The following ADAM18 variants were observed in gnomAD, a reference collection of about 807,000 sequenced individuals.
ADAM18 encodes the protein disintegrin and metalloproteinase domain-containing protein 18.
In ADAM18, 117 loss-of-function variants were observed where a neutral mutation model predicts 94.4. That is an observed-to-expected ratio of 1.24 (90% CI 1.07 to 1.45). The LOEUF (loss-of-function observed/expected upper bound fraction) is 1.45, where lower values mean the gene tolerates loss of function less well. ADAM18 is among the 40% of genes most tolerant of loss of function. The pLI is 0.00. For missense variants in ADAM18, 936 were observed against 880.0 expected (o/e 1.06, Z -0.81); for synonymous variants, 327 against 291.6 (o/e 1.12, Z -1.24).
intron 14 of ADAM18, among the ~76,000 whole-genome samples, chr8:39,669,646 A>T (rs916552890): frequency 1.6e-4 from 25 of 151,906 alleles, no homozygotes; most frequent in Non-Finnish European, 2.9e-4. Context: ...ACATGAACTC[A>T]TCATTTTTTA....
At chr8:39,661,510 C>T (rs938880904) in intron 12 of ADAM18, among the ~76,000 whole-genome samples, 1 of 151,696 alleles carries the variant, frequency 6.6e-6, no homozygotes, top group Non-Finnish European at 1.5e-5. Context: ...TCTTTGCAGT[C>T]TCTAATTGGT....
intron 2 of ADAM18, among the ~76,000 whole-genome samples, chr8:39,603,675 A>G (rs1050178671): frequency 1.3e-5 from 2 of 152,222 alleles, no homozygotes; most frequent in African/African-American, 4.8e-5. Context: ...AGGTAAGCCT[A>G]TATTGTTAGT....
At chr8:39,713,718 A>G (rs1822487382) in intron 18 of ADAM18, among the ~76,000 whole-genome samples, 1 of 152,268 alleles carries the variant, frequency 6.6e-6, no homozygotes, top group African/African-American at 2.4e-5. Context: ...CATCAGAGAA[A>G]TGCAAATCAA....
chr8:39,591,044 A>G (rs1460734012), intron 2 of ADAM18, among the ~76,000 whole-genome samples: 1 of 152,180 alleles, frequency 6.6e-6, no homozygotes, highest in Non-Finnish European at 1.5e-5. Flanking sequence ...TTAAGTGTGC[A>G]ATAGTGCTAT....
At chr8:39,681,806 G>A (rs909131840) in intron 16 of ADAM18, among the ~76,000 whole-genome samples, 3 of 152,130 alleles carry the variant, frequency 2.0e-5, no homozygotes, top group Non-Finnish European at 4.4e-5. Context: ...GTGGCAGAAA[G>A]CTTAGCATAT....
intron 6 of ADAM18, among the ~76,000 whole-genome samples, chr8:39,612,824 A>G (rs1384264334): frequency 6.6e-6 from 1 of 151,714 alleles, no homozygotes; most frequent in African/African-American, 2.4e-5. Flanking sequence ...GACCCTGCCT[A>G]ACCATTGGAG....
rs150220745 is a variant in ADAM18, at chr8:39,721,025, G to A, written c.2018-2723G>A. On this transcript the variant is annotated intron_variant, in intron 18 of 19. Coordinates refer to ENST00000265707, the MANE Select transcript of ADAM18 (RefSeq NM_014237.3). ...CCTGCTATTTCTATGCAAAGGTATAGTATGCATCAATTAGAATAAACATTT... is the reference window on the plus strand; with the variant it reads ...CCTGCTATTTCTATGCAAAGGTATAATATGCATCAATTAGAATAAACATTT... Among the ~76,000 whole-genome samples the A allele has an allele frequency of 2.0e-5, 3 of 151,636 alleles. No homozygotes were observed. In the East Asian group the frequency reaches 5.8e-4, roughly 29 times the overall value.
chr8:39,666,350 T>G (rs918460415), intron 13 of ADAM18, among the ~76,000 whole-genome samples: 8 of 152,108 alleles, frequency 5.3e-5, no homozygotes, highest in Non-Finnish European at 1.2e-4. Flanking sequence ...ACTCAGTTAT[T>G]TTTTGTCTAG....
intron 4 of ADAM18, 38 bp from the exon 5 acceptor site, chr8:39,609,447 A>G: frequency 6.9e-7 from 1 of 1,454,822 alleles, no homozygotes; most frequent in Non-Finnish European, 9.6e-7. Context: ...TTTATTCACA[A>G]CGAATTTATA....
intron 17 of ADAM18, among the ~76,000 whole-genome samples, chr8:39,698,214 C>A (rs1401238748): frequency 6.6e-6 from 1 of 151,614 alleles, no homozygotes; most frequent in Non-Finnish European, 1.5e-5. Context: ...GCTTTTACAG[C>A]CTTGTATTGT....
chr8:39,629,632 C>G (rs898409900), intron 7 of ADAM18, among the ~76,000 whole-genome samples, 193 bp downstream of exon 7: 6 of 150,796 alleles, frequency 4.0e-5, no homozygotes, highest in African/African-American at 7.3e-5. Context: ...TCCTCTACCC[C>G]TCCTTCACTC....
intron 2 of ADAM18, among the ~76,000 whole-genome samples, chr8:39,589,699 TTAC>T (rs1818516245): frequency 6.6e-6 from 1 of 151,978 alleles, no homozygotes; most frequent in Non-Finnish European, 1.5e-5. Flanking sequence ...TAATTTTTAA[TTAC>T]TAATTTTGTA....
chr8:39,722,660 A>G (rs1005888471), intron 18 of ADAM18, among the ~76,000 whole-genome samples: 1 of 151,576 alleles, frequency 6.6e-6, no homozygotes, highest in African/African-American at 2.4e-5. Context: ...CTGCACTTGT[A>G]CCTCCTTAAT....
At chr8:39,631,558 C>T (rs1374223163) in intron 7 of ADAM18, among the ~76,000 whole-genome samples, 2 of 151,912 alleles carry the variant, frequency 1.3e-5, no homozygotes, top group Admixed American at 6.6e-5. Context: ...TTTATTGAAT[C>T]AATAATTCAC....
chr8:39,686,142 C>G (rs556394852), intron 16 of ADAM18, among the ~76,000 whole-genome samples: 1 of 152,284 alleles, frequency 6.6e-6, no homozygotes, highest in South Asian at 2.1e-4. Context: ...CTAGCAAGCA[C>G]TTCCAAACCT....
intron 16 of ADAM18, among the ~76,000 whole-genome samples, chr8:39,682,524 G>C (rs947178962): frequency 2.0e-5 from 3 of 152,116 alleles, no homozygotes; most frequent in African/African-American, 4.8e-5. Flanking sequence ...GCAGAACTGA[G>C]AGCCAAGAGA....
At chr8:39,701,450 T>C in intron 17 of ADAM18, among the ~76,000 whole-genome samples, 1 of 152,216 alleles carries the variant, frequency 6.6e-6, no homozygotes, top group East Asian at 1.9e-4. Flanking sequence ...CATTTTTCTT[T>C]TTTATTTTTT....
chr8:39,695,146 G>A (rs561001805), intron 17 of ADAM18, among the ~76,000 whole-genome samples: 11 of 151,486 alleles, frequency 7.3e-5, no homozygotes, highest in Admixed American at 6.6e-4. Context: ...GACAATGTGG[G>A]TTTTTCTTTT....
intron 18 of ADAM18, among the ~76,000 whole-genome samples, chr8:39,707,646 A>ATATG (rs1822276730): frequency 2.0e-5 from 3 of 152,134 alleles, no homozygotes; most frequent in African/African-American, 7.2e-5. Flanking sequence ...ATTAAGGAAA[A>ATATG]TATGTATGTA....
Sources: gnomAD v4.1 joint callset for allele counts (sites outside exome capture counted in the v4.1 genomes callset) on GRCh38, gnomAD v4.1.1 for gene constraint, MANE v1.5 for transcripts, NCBI Gene and HGNC (gene_info 2026-07-23, HGNC 2026-07-21) for gene names.